Variants in KIAA2012 observed in about 807,000 individuals in gnomAD.
KIAA2012 encodes uncharacterized protein KIAA2012.
Under a neutral mutation model 150.6 loss-of-function variants are expected in KIAA2012, and 125 were observed. The ratio of observed to expected loss-of-function variants is 0.83; its 90% CI spans 0.72 to 0.96. The LOEUF is 0.96. Among genes scored for constraint, KIAA2012 ranks in the 40% least tolerant of loss-of-function variants. The probability of loss-of-function intolerance (pLI) is 0.00; values close to 1 mark genes in which losing one functional copy is unlikely to be tolerated. For synonymous variants in KIAA2012, 462 were observed against 504.7 expected (o/e 0.92, Z 1.13); for missense variants, 1,219 against 1,354.9 (o/e 0.90, Z 1.57).
In KIAA2012 at chr2:202,138,359, T is replaced by C. The variant is rs1295335025; in HGVS notation, c.1832-73T>C. The C allele has an allele frequency of 3.1e-6, 3 of 975,338 alleles. No homozygotes were observed. In the African/African-American group the frequency reaches 4.9e-5, roughly 16 times the overall value. 60.4% of individuals were successfully genotyped at this position (975,338 alleles called of 1,614,324 possible). ...TATGAACTAGGTGTGTGTGTGTGTA[T>C]GGTATATATAAAAAGTCATGAGATC... On this transcript the variant is annotated intron_variant, in intron 12 of 23. Transcript: ENST00000498697.
intron 12 of KIAA2012, among the ~76,000 whole-genome samples, chr2:202,129,572 A>C (rs1258128257): frequency 6.6e-6 from 1 of 152,046 alleles, no homozygotes; most frequent in Non-Finnish European, 1.5e-5. Context: ...TTTAATTACT[A>C]TTTTCAGATA....
chr2:202,203,819 G>C (rs1692580831), intron 23 of KIAA2012, among the ~76,000 whole-genome samples: 1 of 151,612 alleles, frequency 6.6e-6, no homozygotes, highest in Admixed American at 6.6e-5. Flanking sequence ...GCCCAGGCTG[G>C]AGTGCAGTGG....
At chr2:202,145,140 C>G (rs975960986) in intron 13 of KIAA2012, among the ~76,000 whole-genome samples, 4 of 151,962 alleles carry the variant, frequency 2.6e-5, no homozygotes, top group African/African-American at 9.7e-5. Context: ...TGCATTTCCC[C>G]ATCAAGAGAA....
rs1351696312 is a variant in KIAA2012, at chr2:202,190,280, C to T, written c.2598C>T (p.Ser866=). 5.2e-6 allele frequency: 8 copies of T among 1,550,368 alleles called. No homozygotes were observed. Among genetic ancestry groups the T allele is most frequent in the South Asian group, 2.4e-5 (2 of 84,048 alleles). ...ERNLEIAAEL[S]GPDVSYEETE... ...ATCTGGAGATAGCGGCAGAGCTGAG[C>T]GGGCCTGATGTCAGCTATGAGGAAA... The change falls in exon 19 of 24, where the codon AGC becomes AGT. Residue 866 remains serine (S), a synonymous_variant. Transcript: ENST00000498697.
At chr2:202,082,501 CAGG>C (rs1689473614) in intron 2 of KIAA2012, among the ~76,000 whole-genome samples, 1 of 151,976 alleles carries the variant, frequency 6.6e-6, no homozygotes, top group South Asian at 2.1e-4. Flanking sequence ...GAGGCTAAGG[CAGG>C]AGAATTGCTT....
intron 13 of KIAA2012, among the ~76,000 whole-genome samples, chr2:202,142,587 G>A (rs989197890): frequency 4.9e-4 from 75 of 152,156 alleles, no homozygotes; most frequent in African/African-American, 1.7e-3. Context: ...AAGGCAGTCT[G>A]GTTCACAAGT....
At chr2:202,179,003 T>C (rs1357253903) in intron 15 of KIAA2012, among the ~76,000 whole-genome samples, 1 of 152,220 alleles carries the variant, frequency 6.6e-6, no homozygotes, top group Non-Finnish European at 1.5e-5. Flanking sequence ...TCTTTAAAAG[T>C]ATAACATCTT....
At chr2:202,178,429 A>T (rs1328734189) in intron 15 of KIAA2012, among the ~76,000 whole-genome samples, 1 of 152,132 alleles carries the variant, frequency 6.6e-6, no homozygotes, top group Admixed American at 6.5e-5. Flanking sequence ...AGAAAAAAAA[A>T]ATCACCCTTC....
intron 22 of KIAA2012, among the ~76,000 whole-genome samples, chr2:202,200,443 G>T (rs1350632426): frequency 6.6e-6 from 1 of 152,052 alleles, no homozygotes; most frequent in Non-Finnish European, 1.5e-5. Flanking sequence ...GGGCACAGAG[G>T]GGGTTTCAGA....
chr2:202,145,548 C>T (rs78938944), intron 13 of KIAA2012, among the ~76,000 whole-genome samples: 60 of 152,056 alleles, frequency 3.9e-4, no homozygotes, highest in African/African-American at 1.3e-3. Context: ...ATAATATCTG[C>T]GTAGTTAATT....
intron 15 of KIAA2012, among the ~76,000 whole-genome samples, chr2:202,165,667 G>A (rs1051426974): frequency 1.3e-5 from 2 of 152,142 alleles, no homozygotes; most frequent in African/African-American, 4.8e-5. Context: ...GTTGCGGTGA[G>A]CTGAGATCGC....
At chr2:202,155,610 T>C (rs1036564322) in intron 14 of KIAA2012, among the ~76,000 whole-genome samples, 7 of 152,180 alleles carry the variant, frequency 4.6e-5, no homozygotes, top group Non-Finnish European at 8.8e-5. Flanking sequence ...TGAGGAAATA[T>C]TCCAGGCCTT....
rs1413456765 is a variant in KIAA2012 at position 202,190,308 on chromosome 2, G to C, written c.2626G>C (p.Glu876Gln). ...SGPDVSYEET[E>Q]DTSNRGSFAS... is the part of the protein sequence containing the mutation. ...GCCTGATGTCAGCTATGAGGAAACAGAAGACACCTCAAATAGAGGTTCCTT... is the reference window on the plus strand; with the variant it reads ...GCCTGATGTCAGCTATGAGGAAACACAAGACACCTCAAATAGAGGTTCCTT... Residue 876 changes from glutamate (E) to glutamine (Q), a missense_variant, in exon 19 of 24, where the codon GAA becomes CAA. Physicochemically the swap from Glu to Gln is conservative, Grantham distance 29. Transcript: ENST00000498697. 6.4e-6 allele frequency: 10 copies of C among 1,550,564 alleles called. No individual in the cohort carries two copies. The highest frequency in any genetic ancestry group is 8.7e-6 in the Non-Finnish European group (10 of 1,146,990).
chr2:202,141,022 G>A (rs946751920), intron 13 of KIAA2012, among the ~76,000 whole-genome samples: 7 of 152,178 alleles, frequency 4.6e-5, no homozygotes, highest in Non-Finnish European at 7.3e-5. Flanking sequence ...ATGAGAAGTC[G>A]CAGACCTAGA....
intron 2 of KIAA2012, among the ~76,000 whole-genome samples, chr2:202,086,167 C>CAAAAAAAAAAAA (rs56207993): frequency 2.2e-5 from 2 of 90,094 alleles, no homozygotes; most frequent in Non-Finnish European, 4.1e-5. Context: ...AACTCTGTCT[C>CAAAAAAAAAAAA]AAAAAAAAAA....
chr2:202,194,359 G>A lies in KIAA2012; in HGVS notation c.3184G>A (p.Ala1062Thr), dbSNP rs1166690405. The change falls in exon 21 of 24, where the codon GCC (alanine) becomes ACC (threonine). Residue 1062 changes from alanine to threonine, a missense_variant. Ala to Thr is a moderately conservative substitution (Grantham distance 58, BLOSUM62 0). Transcript: ENST00000498697. ...RKKQQEEAERAEAEKQRQEEL... is the reference protein window; with the variant it reads ...RKKQQEEAERTEAEKQRQEEL... ...AAAGCAGCAGGAGGAAGCCGAGAGG[G>A]CCGGTGAGGGGGTTCTTGAGCTCTT... is the stretch of plus-strand genomic sequence containing the variant. 1 of 1,549,698 alleles carries A rather than the reference G, an allele frequency of 6.5e-7. No individual in the cohort carries two copies. The highest frequency in any genetic ancestry group is 8.7e-7 in the Non-Finnish European group (1 of 1,146,974).
intron 22 of KIAA2012, among the ~76,000 whole-genome samples, chr2:202,198,785 A>T (rs1692461531): frequency 6.6e-6 from 1 of 152,118 alleles, no homozygotes; most frequent in African/African-American, 2.4e-5. Flanking sequence ...TCCCCTTGAT[A>T]TTTGTCCACA....
chr2:202,123,467 C>T (rs1217368567), intron 11 of KIAA2012, among the ~76,000 whole-genome samples: 4 of 152,184 alleles, frequency 2.6e-5, no homozygotes, highest in Non-Finnish European at 4.4e-5. Flanking sequence ...ACACTAATTA[C>T]GGCTTTTCCT....
chr2:202,203,083 T>A (rs1237194325), intron 23 of KIAA2012, among the ~76,000 whole-genome samples: 1 of 152,202 alleles, frequency 6.6e-6, no homozygotes. Flanking sequence ...CCAACTGAAC[T>A]CTTCATTCAC....
Sources: gnomAD v4.1 joint callset for allele counts (sites outside exome capture counted in the v4.1 genomes callset) on GRCh38, gnomAD v4.1.1 for gene constraint, MANE v1.5 for transcripts, NCBI Gene and HGNC (gene_info 2026-07-23, HGNC 2026-07-21) for gene names.